UPP1: variants seen among roughly 807,000 people sequenced by gnomAD.
The protein encoded by UPP1 is UPase 1.
Under a neutral mutation model 29.6 loss-of-function variants are expected in UPP1, and 25 were observed. The ratio of observed to expected loss-of-function variants is 0.85; its 90% CI spans 0.62 to 1.18. The LOEUF (loss-of-function observed/expected upper bound fraction) is 1.18. UPP1 is among the 50% of genes most tolerant of loss of function. The pLI is 0.00. For synonymous variants in UPP1, 165 were observed against 159.8 expected, an observed-to-expected ratio of 1.03 and a Z score of -0.25; for missense variants, 368 against 410.4, an observed-to-expected ratio of 0.90 and a Z score of 0.89.
chr7:48,099,658 G>C lies in UPP1; in HGVS notation c.45-12G>C. 1 of 1,585,574 alleles carries C rather than the reference G, an allele frequency of 6.3e-7. No homozygotes were observed. Among genetic ancestry groups the C allele is most frequent in the Non-Finnish European group, 8.7e-7 (1 of 1,154,652 alleles). On this transcript the variant is annotated splice_polypyrimidine_tract_variant and intron_variant, in intron 3 of 8. Transcript: ENST00000395564. ...TGTTCTATAAGCCTTCCACTTTCTT[G>C]TTTTTTAACAGTGATTGCCCCGTCA... is the stretch of plus-strand genomic sequence containing the variant.
intron 5 of UPP1, 75 bp from the exon 6 acceptor site, chr7:48,103,222 T>A (rs1446407508): frequency 9.1e-7 from 1 of 1,097,898 alleles, no homozygotes; most frequent in South Asian, 1.3e-5. Context: ...TTGAATTACA[T>A]CACATGAAAC....
chr7:48,102,059 C>A, intron 5 of UPP1, 77 bp downstream of exon 5: 1 of 1,498,166 alleles, frequency 6.7e-7, no homozygotes, highest in South Asian at 1.3e-5. Context: ...CACACACAGA[C>A]AGCTGGTCCC....
chr7:48,107,073 TTC>T lies in UPP1; in HGVS notation c.639_640del (p.Phe213LeufsTer2), dbSNP rs759281922. The T allele has an allele frequency of 6.8e-5, 109 of 1,611,860 alleles. No homozygotes were observed. Among genetic ancestry groups the T allele is most frequent in the Non-Finnish European group, 8.7e-5 (103 of 1,179,848 alleles). ...GGGGAACACCATGTGCACCTTGGAC[TTC>T]TATGAAGGTGAGGCAGCGGATACGA... ...VVGNTMCTLDFYEGQGRLDGA... is the reference protein window; with the variant it reads ...VVGNTMCTLDXYEGQGRLDGA... On this transcript the variant is annotated frameshift_variant, in exon 7 of 9. Transcript: ENST00000395564. LOFTEE classifies it high-confidence loss of function.
At chr7:48,097,937 G>A (rs1792210300) in intron 3 of UPP1, among the ~76,000 whole-genome samples, 1 of 152,196 alleles carries the variant, frequency 6.6e-6, no homozygotes, top group African/African-American at 2.4e-5. Context: ...CCACATCCCA[G>A]AGTAGAATGA....
intron 5 of UPP1, 138 bp downstream of exon 5, chr7:48,102,120 C>G: frequency 2.0e-6 from 2 of 993,768 alleles, no homozygotes; most frequent in Admixed American, 2.9e-5. Flanking sequence ...CCCACAGTAG[C>G]TGGGATTCAG....
At chr7:48,100,159 A>G (rs76666351) in intron 4 of UPP1, among the ~76,000 whole-genome samples, 1,623 of 152,360 alleles carry the variant, frequency 0.011, 18 homozygotes, top group Non-Finnish European at 0.014. Context: ...ATATGCCTCT[A>G]GGCTACAAAC....
intron 2 of UPP1, among the ~76,000 whole-genome samples, chr7:48,094,245 GTT>G (rs1792005194): frequency 6.6e-6 from 1 of 152,240 alleles, no homozygotes; most frequent in South Asian, 2.1e-4. Context: ...TAAGGGACAG[GTT>G]TTTGTTTTGT....
chr7:48,107,924 G>A (rs1263585490), intron 8 of UPP1, among the ~76,000 whole-genome samples: 1 of 152,178 alleles, frequency 6.6e-6, no homozygotes, highest in Non-Finnish European at 1.5e-5. Flanking sequence ...CTTTCAAGGT[G>A]GTGCTTGCAG....
In UPP1 at chr7:48,099,711, T is replaced by C. The variant is rs771389099; in HGVS notation, c.86T>C (p.Met29Thr). 6.2e-7 allele frequency: 1 copy of C among 1,613,926 alleles called. No homozygotes were observed. The highest frequency in any genetic ancestry group is 8.5e-7 in the Non-Finnish European group (1 of 1,179,806). ...VRLLNPNIAK[M>T]KEDILYHFNL... is the part of the protein sequence containing the mutation. ...CTTTTAAATCCAAACATAGCAAAAA[T>C]GAAAGAAGATATTCTCTATCATTTC... Residue 29 changes from methionine (M) to threonine (T), a missense_variant, in exon 4 of 9, where the codon ATG (methionine) becomes ACG (threonine). Transcript: ENST00000395564.
intron 3 of UPP1, among the ~76,000 whole-genome samples, chr7:48,098,181 T>C (rs567891316): frequency 3.3e-5 from 5 of 152,340 alleles, no homozygotes; most frequent in South Asian, 4.1e-4. Flanking sequence ...TTTGTACTTA[T>C]GTTTTCTATA....
intron 2 of UPP1, among the ~76,000 whole-genome samples, chr7:48,091,085 C>G (rs547773883): frequency 2.6e-5 from 4 of 152,258 alleles, no homozygotes; most frequent in African/African-American, 9.6e-5. Flanking sequence ...AATGAAACTT[C>G]TAGGTTTTCC....
Position 48,103,955 on chromosome 7 carries a change from C to T in UPP1, c.436+544C>T, listed in dbSNP as rs534425257. The T allele has an allele frequency of 1.1e-4, 137 of 1,245,490 alleles. No homozygotes were observed. The African/African-American group carries it at 1.8e-3, about 17-fold the overall frequency. The allele number at this position is 1,245,490 out of a possible 1,614,324, so 77.2% of individuals were successfully genotyped here. On this transcript the variant is annotated intron_variant, in intron 6 of 8. Coordinates refer to ENST00000395564, the MANE Select transcript of UPP1 (RefSeq NM_003364.4). ...AGATGGTTGGCCGGGCGCGGTGGCTCACACCTGTAATCCCAGCACATTGGG... is the reference window on the plus strand; with the variant it reads ...AGATGGTTGGCCGGGCGCGGTGGCTTACACCTGTAATCCCAGCACATTGGG...
intron 3 of UPP1, among the ~76,000 whole-genome samples, chr7:48,098,173 T>G (rs1487777499): frequency 1.3e-5 from 2 of 152,200 alleles, no homozygotes; most frequent in African/African-American, 4.8e-5. Context: ...TATAACCCTT[T>G]GTACTTATGT....
At chr7:48,100,774 C>CTT (rs1485306331) in intron 4 of UPP1, among the ~76,000 whole-genome samples, 1 of 152,192 alleles carries the variant, frequency 6.6e-6, no homozygotes, top group Non-Finnish European at 1.5e-5. Context: ...TGGTGGACAA[C>CTT]TTCCCATGTG....
chr7:48,106,549 G>A, intron 6 of UPP1: 1 of 302,746 alleles, frequency 3.3e-6, no homozygotes. Context: ...GACCTCAGGT[G>A]ATCTGCTCGT....
At chr7:48,103,740 C>G (rs1046208579) in intron 6 of UPP1, 17 of 1,293,282 alleles carry the variant, frequency 1.3e-5, no homozygotes, top group Non-Finnish European at 1.7e-5. Flanking sequence ...TCTCCATTCT[C>G]TCCTTTCCTT....
intron 2 of UPP1, among the ~76,000 whole-genome samples, chr7:48,091,941 AGGCCAGACGG>A (rs1167507043): frequency 6.6e-6 from 1 of 152,198 alleles, no homozygotes; most frequent in African/African-American, 2.4e-5. Flanking sequence ...TTACTCTACA[AGGCCAGACGG>A]GAAGTTCTGT....
chr7:48,103,942 G>A (rs1419554822), intron 6 of UPP1: 12 of 1,255,956 alleles, frequency 9.6e-6, no homozygotes, highest in Non-Finnish European at 1.2e-5. Context: ...ATGGTTGGCC[G>A]GGCGCGGTGG....
intron 3 of UPP1, 94 bp downstream of exon 3, chr7:48,094,921 A>G (rs1286637634): frequency 5.8e-6 from 8 of 1,386,558 alleles, no homozygotes; most frequent in African/African-American, 2.8e-5. Flanking sequence ...GACTTGACAT[A>G]TATTAACACA....
Sources: allele counts gnomAD v4.1 joint callset (sites outside exome capture counted in the v4.1 genomes callset), GRCh38; gene constraint gnomAD v4.1.1; transcripts MANE v1.5; gene names NCBI Gene and HGNC (gene_info 2026-07-23, HGNC 2026-07-21).